Variants in RIMS1 observed in about 807,000 individuals in gnomAD.
RIMS1 encodes the protein regulating synaptic membrane exocytosis 1.
RIMS1 carries 83 observed loss-of-function variants against 214.1 expected under a neutral mutation model. The observed-to-expected ratio is 0.39, with a 90% confidence interval of 0.32 to 0.47. The LOEUF (loss-of-function observed/expected upper bound fraction) is 0.47. Ranked by LOEUF, RIMS1 falls within the 20% of genes least tolerant of loss-of-function variation. The pLI is 0.99. For missense variants in RIMS1, 2,050 were observed against 2,161.8 expected, an observed-to-expected ratio of 0.95 and a Z score of 1.03; for synonymous variants, 793 against 786.8, an observed-to-expected ratio of 1.01 and a Z score of -0.13.
intron 26 of RIMS1, among the ~76,000 whole-genome samples, chr6:72,302,897 T>C (rs2094773134): frequency 6.6e-6 from 1 of 151,040 alleles, no homozygotes; most frequent in Non-Finnish European, 1.5e-5. Flanking sequence ...CTTGAAAATA[T>C]TAGGAGGTTT....
chr6:72,352,690 A>T (rs891651855), intron 29 of RIMS1, among the ~76,000 whole-genome samples: 4 of 152,182 alleles, frequency 2.6e-5, no homozygotes, highest in African/African-American at 9.7e-5. Flanking sequence ...ATTTGAATCC[A>T]TATCGCAAAA....
At chr6:72,390,390 C>T (rs1445002069) in intron 29 of RIMS1, among the ~76,000 whole-genome samples, 1 of 152,132 alleles carries the variant, frequency 6.6e-6, no homozygotes, top group East Asian at 1.9e-4. Context: ...AAACTGTGGC[C>T]ATGGCATAGC....
At chr6:72,198,194 A>C (rs549614456) in intron 6 of RIMS1, among the ~76,000 whole-genome samples, 2 of 152,156 alleles carry the variant, frequency 1.3e-5, no homozygotes, top group African/African-American at 2.4e-5. Context: ...AAAGATACTG[A>C]ATCAAACTAA....
intron 2 of RIMS1, among the ~76,000 whole-genome samples, chr6:72,091,307 G>A (rs1836176751): frequency 6.6e-6 from 1 of 152,086 alleles, no homozygotes; most frequent in Non-Finnish European, 1.5e-5. Flanking sequence ...GGAAATCCAG[G>A]AAGAAAGGTA....
chr6:72,313,870 T>C (rs572315329), intron 28 of RIMS1, among the ~76,000 whole-genome samples, 198 bp downstream of exon 28: 144 of 152,370 alleles, frequency 9.5e-4, no homozygotes, highest in Non-Finnish European at 1.6e-3. Flanking sequence ...GTCACAATTT[T>C]AGAGATCACT....
At chr6:72,343,510 TTTTTTTG>T (rs2097164418) in intron 29 of RIMS1, among the ~76,000 whole-genome samples, 4 of 135,544 alleles carry the variant, frequency 3.0e-5, no homozygotes, top group Admixed American at 7.4e-5. Context: ...TTTTTTTTTT[TTTTTTTG>T]TGTGTGTGGT....
chr6:72,308,822 G>T (rs980648632), intron 27 of RIMS1, among the ~76,000 whole-genome samples: 1 of 152,168 alleles, frequency 6.6e-6, no homozygotes, highest in Non-Finnish European at 1.5e-5. Flanking sequence ...CTCCATACAG[G>T]TTTATCTTGT....
At chr6:71,996,695 G>A (rs909197327) in intron 2 of RIMS1, among the ~76,000 whole-genome samples, 2 of 152,130 alleles carry the variant, frequency 1.3e-5, no homozygotes, top group Admixed American at 1.3e-4. Flanking sequence ...GGACTGTGAA[G>A]GTACACACCA....
chr6:72,283,817 C>T (rs1170515425), intron 23 of RIMS1, among the ~76,000 whole-genome samples: 1 of 152,148 alleles, frequency 6.6e-6, no homozygotes, highest in African/African-American at 2.4e-5. Context: ...ATGTCAGCTT[C>T]TCGTGTCTTC....
At chr6:72,074,411 C>T (rs2152315942) in intron 2 of RIMS1, among the ~76,000 whole-genome samples, 1 of 152,276 alleles carries the variant, frequency 6.6e-6, no homozygotes, top group East Asian at 1.9e-4. Flanking sequence ...TGCCTGTAAT[C>T]CCAGCACTTA....
intron 2 of RIMS1, among the ~76,000 whole-genome samples, chr6:72,025,735 G>A (rs76928863): frequency 0.11 from 17,236 of 152,212 alleles, 1,184 homozygotes; most frequent in South Asian, 0.17. Flanking sequence ...TGTATCTCAT[G>A]GCTTCTATAG....
chr6:72,261,784 C>T (rs2078136058), intron 19 of RIMS1: 1 of 985,050 alleles, frequency 1.0e-6, no homozygotes, highest in Non-Finnish European at 1.2e-6. Flanking sequence ...GAACTTTTTA[C>T]AGTCTGAAGT....
intron 1 of RIMS1, among the ~76,000 whole-genome samples, chr6:71,900,249 G>A (rs1773188300): frequency 6.6e-6 from 1 of 151,998 alleles, no homozygotes; most frequent in Admixed American, 6.6e-5. Context: ...TAAGCCTGAA[G>A]CACTGGAAGG....
intron 1 of RIMS1, among the ~76,000 whole-genome samples, chr6:71,964,482 C>T (rs1024440824): frequency 5.3e-5 from 8 of 152,090 alleles, no homozygotes; most frequent in Non-Finnish European, 1.2e-4. Context: ...ACAATATTGG[C>T]TCAGGACAGG....
At chr6:72,229,043 C>CT (rs550622706) in intron 6 of RIMS1, among the ~76,000 whole-genome samples, 28 of 146,984 alleles carry the variant, frequency 1.9e-4, no homozygotes, top group Non-Finnish European at 2.3e-4. Flanking sequence ...GGATTTATAC[C>CT]TTTTTTTTTT....
chr6:71,956,139 A>C (rs568292529), intron 1 of RIMS1, among the ~76,000 whole-genome samples: 1 of 152,250 alleles, frequency 6.6e-6, no homozygotes, highest in South Asian at 2.1e-4. Context: ...GAAATGTTTA[A>C]TCTGTAATAT....
intron 1 of RIMS1, among the ~76,000 whole-genome samples, chr6:71,925,786 A>C (rs537405144): frequency 1.3e-5 from 2 of 152,240 alleles, no homozygotes; most frequent in Non-Finnish European, 2.9e-5. Context: ...AAAAACTTTC[A>C]AAACTAAGGA....
Position 72,332,225 on chromosome 6 carries a change from A to G in RIMS1, c.4131-1375A>G, listed in dbSNP as rs182854853. ...GTTCAAAACAAGAAGTAGAAAATGA[A>G]GAAGATCAAAATGGTAATAAGGGTC... On this transcript the variant is annotated intron_variant, in intron 28 of 33. Transcript: ENST00000521978. Among the ~76,000 whole-genome samples, 772 of 151,942 alleles carry G rather than the reference A, an allele frequency of 5.1e-3. 5 individuals carry two copies. Among genetic ancestry groups the G allele is most frequent in the African/African-American group, 0.017 (711 of 41,520 alleles).
intron 29 of RIMS1, 65 bp from the exon 30 acceptor site, chr6:72,390,533 C>T: frequency 7.0e-7 from 1 of 1,437,178 alleles, no homozygotes; most frequent in Non-Finnish European, 9.5e-7. Context: ...TTTGCAGGAT[C>T]AATTGATATT....
Sources: gnomAD v4.1 joint callset for allele counts (sites outside exome capture counted in the v4.1 genomes callset) on GRCh38, gnomAD v4.1.1 for gene constraint, MANE v1.5 for transcripts, NCBI Gene and HGNC (gene_info 2026-07-23, HGNC 2026-07-21) for gene names.